The following TRIM32 variants were observed in gnomAD, a reference collection of about 807,000 sequenced individuals.
The protein encoded by TRIM32 is E3 ubiquitin-protein ligase TRIM32.
Under a neutral mutation model 36.0 loss-of-function variants are expected in TRIM32, and 19 were observed. The ratio of observed to expected loss-of-function variants is 0.53; its 90% CI spans 0.37 to 0.77. The LOEUF is 0.77. Ranked by LOEUF, TRIM32 falls within the 30% of genes least tolerant of loss-of-function variation. TRIM32 has a pLI of 0.00. For synonymous variants in TRIM32, 309 were observed against 318.5 expected (o/e 0.97, Z 0.32); for missense variants, 747 against 845.2 (o/e 0.88, Z 1.44).
Position 116,698,037 on chromosome 9 carries a change from A to G in TRIM32, c.295A>G (p.Met99Val). Residue 99 changes from methionine to valine, a missense_variant, in exon 2 of 2, where the codon ATG becomes GTG. Transcript: ENST00000450136. The surrounding 1 kb of genome is among the most constrained non-coding windows in gnomAD (Gnocchi z 4.4). ...GCTCAGCGAGGCTGTGGGGCTGCTC[A>G]TGTGTCGGTCCTGTGGGCGGCGTCT... ...AGLSEAVGLL[M>V]CRSCGRRLPR... 1 of 1,614,016 alleles carries G rather than the reference A, an allele frequency of 6.2e-7. No homozygotes were observed. Among genetic ancestry groups the G allele is most frequent in the Non-Finnish European group, 8.5e-7 (1 of 1,180,022 alleles).
At chr9:116,692,082 AT>A (rs1024880778) in intron 1 of TRIM32, among the ~76,000 whole-genome samples, 4 of 152,188 alleles carry the variant, frequency 2.6e-5, no homozygotes, top group African/African-American at 9.7e-5. Context: ...CTTAGTAAAG[AT>A]TTGTTTTGTT....
chr9:116,687,467 C>T lies in TRIM32; in HGVS notation c.-82+86C>T, dbSNP rs112643631. On this transcript the variant is annotated intron_variant, in intron 1 of 1. Transcript: ENST00000450136. ...TCAGCGGCCAGGCGGGGGAACGTGCCGGCGTGCAGCGGCCGCGCCCGAATG... is the reference window on the plus strand; with the variant it reads ...TCAGCGGCCAGGCGGGGGAACGTGCTGGCGTGCAGCGGCCGCGCCCGAATG... 0.084 allele frequency: 12,015 copies of T among 143,324 alleles called. 526 individuals are homozygous for T. The highest frequency in any genetic ancestry group is 0.15 in the East Asian group (598 of 3,890). 8.9% of individuals were successfully genotyped at this position (143,324 alleles called of 1,614,324 possible). A position where few individuals can be genotyped will look rare whatever the true frequency, so the allele number is the denominator to read the frequency against.
At chr9:116,693,501 A>G (rs142702527) in intron 1 of TRIM32, among the ~76,000 whole-genome samples, 1 of 152,338 alleles carries the variant, frequency 6.6e-6, no homozygotes, top group South Asian at 2.1e-4. Context: ...TAAGGGACAG[A>G]TTCTCATCGG....
At chr9:116,697,066 T>G (rs1445798896) in intron 1 of TRIM32, among the ~76,000 whole-genome samples, 1 of 152,166 alleles carries the variant, frequency 6.6e-6, no homozygotes, top group Non-Finnish European at 1.5e-5. Flanking sequence ...AAACTGCTTT[T>G]GGGAAGCCTT....
At chr9:116,692,655 A>G (rs1474215350) in intron 1 of TRIM32, among the ~76,000 whole-genome samples, 1 of 152,176 alleles carries the variant, frequency 6.6e-6, no homozygotes, top group Non-Finnish European at 1.5e-5. Flanking sequence ...CTTAATCTAT[A>G]TAATACTGTC....
In TRIM32 at chr9:116,697,803, C is replaced by A. The variant is rs778694090; in HGVS notation, c.61C>A (p.Pro21Thr). Residue 21 changes from proline (P) to threonine (T), a missense_variant, in exon 2 of 2, where the codon CCC becomes ACC. Transcript: ENST00000450136. Reference protein sequence around the residue: ...LDALREVLECPICMESFTEEQ... With the variant: ...LDALREVLECTICMESFTEEQ... ...TGCCCTCCGGGAAGTGCTAGAATGC[C>A]CCATCTGCATGGAGTCCTTCACAGA... The A allele has an allele frequency of 1.2e-6, 2 of 1,614,174 alleles. No individual in the cohort carries two copies. Among genetic ancestry groups the A allele is most frequent in the South Asian group, 2.2e-5 (2 of 91,078 alleles).
Position 116,699,913 on chromosome 9 carries a change from C to G in TRIM32, c.*209C>G, listed in dbSNP as rs996640260. The G allele has an allele frequency of 2.9e-6, 2 of 692,660 alleles. No homozygotes were observed. Among genetic ancestry groups the G allele is most frequent in the Non-Finnish European group, 4.9e-6 (2 of 407,666 alleles). The allele number at this position is 692,660 out of a possible 1,614,324, so 42.9% of individuals were successfully genotyped here. The stretch of plus-strand genomic sequence containing the variant: ...CCTAAATTTAGAGCTTTAAAAGATG[C>G]ACTGCCCAAATAGGACACACGATGG... On this transcript the variant is annotated 3_prime_UTR_variant, in exon 2 of 2. Transcript: ENST00000450136. This position sits in a 1 kb window ranked among gnomAD's most constrained non-coding sequence, Gnocchi z 4.2.
chr9:116,687,352 G>T lies in TRIM32; in HGVS notation c.-111G>T, dbSNP rs982779637. ...GGAGGCAGGCGGGTGGGCTGCCGGCGGTGGACTCGTCGGAGCCGCGGGCGG... is the reference window on the plus strand; with the variant it reads ...GGAGGCAGGCGGGTGGGCTGCCGGCTGTGGACTCGTCGGAGCCGCGGGCGG... On this transcript the variant is annotated 5_prime_UTR_variant, in exon 1 of 2. Coordinates refer to ENST00000450136, the MANE Select transcript of TRIM32 (RefSeq NM_012210.4). 4 of 814,424 alleles carry T rather than the reference G, an allele frequency of 4.9e-6. No homozygotes were observed. Among genetic ancestry groups the T allele is most frequent in the Non-Finnish European group, 5.9e-6 (4 of 674,442 alleles). 50.4% of individuals were successfully genotyped at this position (814,424 alleles called of 1,614,324 possible).
chr9:116,700,913 TAATC>T lies in TRIM32; in HGVS notation c.*1210_*1213del, dbSNP rs1240486285. On this transcript the variant is annotated 3_prime_UTR_variant, in exon 2 of 2. Transcript: ENST00000450136. ...CAAAAGCACTATTATGTAAAGATAA[TAATC>T]CAAATCTTTCTCCCAAATACATGTG... The T allele has an allele frequency of 1.2e-5, 2 of 167,034 alleles. No individual in the cohort carries two copies. The highest frequency in any genetic ancestry group is 4.8e-5 in the African/African-American group (2 of 41,454). 10.3% of individuals were successfully genotyped at this position (167,034 alleles called of 1,614,324 possible).
At chr9:116,689,711 A>G (rs1362710083) in intron 1 of TRIM32, among the ~76,000 whole-genome samples, 5 of 152,130 alleles carry the variant, frequency 3.3e-5, no homozygotes, top group Non-Finnish European at 5.9e-5. Context: ...ATTGAACTCT[A>G]AAGTTGGGGG....
chr9:116,693,314 A>T (rs1860668391), intron 1 of TRIM32, among the ~76,000 whole-genome samples: 1 of 152,208 alleles, frequency 6.6e-6, no homozygotes, highest in Non-Finnish European at 1.5e-5. Context: ...CTAAGATATG[A>T]TCTCAGTCCT....
chr9:116,693,300 A>G (rs1221439769), intron 1 of TRIM32, among the ~76,000 whole-genome samples: 1 of 152,266 alleles, frequency 6.6e-6, no homozygotes, highest in Non-Finnish European at 1.5e-5. Context: ...AACTTGTGAC[A>G]GTGCTAAGAT....
Position 116,697,365 on chromosome 9 carries a change from T to C in TRIM32, c.-81-297T>C, listed in dbSNP as rs1588214182. On this transcript the variant is annotated intron_variant, in intron 1 of 1. Transcript: ENST00000450136. ...AAGGCAGACACCATTATTACTTCTATTTTACAGATGAGTGATGGGGAAAGA... is the reference window on the plus strand; with the variant it reads ...AAGGCAGACACCATTATTACTTCTACTTTACAGATGAGTGATGGGGAAAGA... 2.5e-5 allele frequency: 7 copies of C among 283,962 alleles called. No individual in the cohort carries two copies. The East Asian group carries it at 5.7e-4, about 23-fold the overall frequency. The allele number at this position is 283,962 out of a possible 1,614,324, so 17.6% of individuals were successfully genotyped here. A position where few individuals can be genotyped will look rare whatever the true frequency, so the allele number is the denominator to read the frequency against.
In TRIM32 at chr9:116,696,695, G is replaced by T. The variant is rs547167046; in HGVS notation, c.-81-967G>T. Among the ~76,000 whole-genome samples, 22 of 151,870 alleles carry T rather than the reference G, an allele frequency of 1.4e-4. 2 individuals carry two copies. In the South Asian group the frequency reaches 4.4e-3, roughly 30 times the overall value. ...TGCCTTCATTATTATTTACCTACAT[G>T]TCTTGTCTTTTATAAAGTTTGAATA... is the stretch of plus-strand genomic sequence containing the variant. On this transcript the variant is annotated intron_variant, in intron 1 of 1. Transcript: ENST00000450136.
chr9:116,695,077 G>A (rs866948576), intron 1 of TRIM32, among the ~76,000 whole-genome samples: 1 of 152,142 alleles, frequency 6.6e-6, no homozygotes, highest in Non-Finnish European at 1.5e-5. Flanking sequence ...TCCCCAGAGC[G>A]TGGTCAAGGG....
chr9:116,693,330 A>T (rs1860669754), intron 1 of TRIM32, among the ~76,000 whole-genome samples: 1 of 152,166 alleles, frequency 6.6e-6, no homozygotes, highest in South Asian at 2.1e-4. Flanking sequence ...GTCCTATATA[A>T]CTTTAAGGTT....
chr9:116,692,748 A>G (rs1033814236), intron 1 of TRIM32, among the ~76,000 whole-genome samples: 4 of 152,084 alleles, frequency 2.6e-5, no homozygotes, highest in African/African-American at 9.7e-5. Flanking sequence ...TAGTTTTCTC[A>G]TCTATTTTAC....
chr9:116,699,857 T>C lies in TRIM32; in HGVS notation c.*153T>C, dbSNP rs549577425. The C allele has an allele frequency of 1.4e-5, 14 of 1,028,314 alleles. No homozygotes were observed. Among genetic ancestry groups the C allele is most frequent in the Middle Eastern group, 2.8e-4 (1 of 3,566 alleles). 63.7% of individuals were successfully genotyped at this position (1,028,314 alleles called of 1,614,324 possible). On this transcript the variant is annotated 3_prime_UTR_variant, in exon 2 of 2. Transcript: ENST00000450136. The surrounding 1 kb of genome is among the most constrained non-coding windows in gnomAD (Gnocchi z 4.2). ...TCAGAAGCTCCATCTTTTAATGTTT[T>C]TATTTGTTATGTCCCCCTCCCCGCT...
rs1461016562 is a variant in TRIM32 at position 116,698,963 on chromosome 9, C to A, written c.1221C>A (p.Ile407=). The A allele has an allele frequency of 6.2e-7, 1 of 1,614,166 alleles. No homozygotes were observed. Among genetic ancestry groups the A allele is most frequent in the Non-Finnish European group, 8.5e-7 (1 of 1,180,034 alleles). The change falls in exon 2 of 2, where the codon ATC becomes ATA. Residue 407 remains isoleucine (I), a synonymous_variant. Transcript: ENST00000450136. This position sits in a 1 kb window ranked among gnomAD's most constrained non-coding sequence, Gnocchi z 4.4. ...VFTRKGFLKE[I]RRSPSGIDSF... is the part of the protein sequence containing the mutation. ...CCCGCAAAGGCTTTTTGAAGGAAATCCGCCGCAGCCCCAGTGGCATTGATA... is the reference window on the plus strand; with the variant it reads ...CCCGCAAAGGCTTTTTGAAGGAAATACGCCGCAGCCCCAGTGGCATTGATA...
Sources: allele counts gnomAD v4.1 joint callset (sites outside exome capture counted in the v4.1 genomes callset), GRCh38; gene constraint gnomAD v4.1.1; non-coding constraint Gnocchi (gnomAD v3.1); transcripts MANE v1.5; gene names NCBI Gene and HGNC (gene_info 2026-07-23, HGNC 2026-07-21).